The following ARAP2 variants were observed in gnomAD, a reference collection of about 807,000 sequenced individuals.
ARAP2 encodes the protein ArfGAP with RhoGAP domain, ankyrin repeat and PH domain 2.
In ARAP2, 148 loss-of-function variants were observed where a neutral mutation model predicts 194.5. The ratio of observed to expected loss-of-function variants is 0.76; its 90% CI spans 0.67 to 0.87. The LOEUF is 0.87. Ranked by LOEUF, ARAP2 falls within the 40% of genes least tolerant of loss-of-function variation. The pLI is 0.00. For synonymous variants in ARAP2, 695 were observed against 683.5 expected (o/e 1.02, Z -0.26); for missense variants, 2,128 against 1,989.7 (o/e 1.07, Z -1.32).
In ARAP2 at chr4:36,160,647, T is replaced by G; in HGVS notation, c.2260-6A>C. The G allele has an allele frequency of 7.4e-7, 1 of 1,352,520 alleles. No homozygotes were observed. The allele number at this position is 1,352,520 out of a possible 1,614,324, so 83.8% of individuals were successfully genotyped here. A position where few individuals can be genotyped will look rare whatever the true frequency, so the allele number is the denominator to read the frequency against. On this transcript the variant is annotated splice_region_variant and splice_polypyrimidine_tract_variant and intron_variant, in intron 12 of 32. Transcript: ENST00000303965. Reference sequence around the variant, plus strand: ...TTTCCAATGACAATAAAAAGCTGAATTGTCAAAAAAAAAACCCCATAATAT... The same window carrying G: ...TTTCCAATGACAATAAAAAGCTGAAGTGTCAAAAAAAAAACCCCATAATAT...
chr4:36,085,385 C>T (rs566654949), intron 28 of ARAP2, among the ~76,000 whole-genome samples: 6 of 151,932 alleles, frequency 3.9e-5, no homozygotes, highest in Non-Finnish European at 7.4e-5. Flanking sequence ...TTTATATATA[C>T]AGTATAAATG....
At chr4:36,216,399 T>A (rs1166987003) in intron 2 of ARAP2, among the ~76,000 whole-genome samples, 1 of 152,152 alleles carries the variant, frequency 6.6e-6, no homozygotes, top group Non-Finnish European at 1.5e-5. Context: ...GTGGAATAAT[T>A]AGAACATTTA....
rs145040435 is a variant in ARAP2, at chr4:36,161,386, C to T, written c.2259+79G>A. On this transcript the variant is annotated intron_variant, in intron 12 of 32. Transcript: ENST00000303965. Reference sequence around the variant, plus strand: ...AGCCCCGAGAAAAATTCCTGCCACCCAAACCCACAGCAAACCTCCTCCCAG... The same window carrying T: ...AGCCCCGAGAAAAATTCCTGCCACCTAAACCCACAGCAAACCTCCTCCCAG... 7.4e-4 allele frequency: 902 copies of T among 1,221,106 alleles called. 6 individuals carry two copies. The African/African-American group carries it at 0.012, about 16-fold the overall frequency. 75.6% of individuals were successfully genotyped at this position (1,221,106 alleles called of 1,614,324 possible).
intron 5 of ARAP2, among the ~76,000 whole-genome samples, chr4:36,027,958 T>C (rs533942649): frequency 6.6e-6 from 1 of 152,266 alleles, no homozygotes; most frequent in Non-Finnish European, 1.5e-5. Flanking sequence ...ATGGGACCAC[T>C]GGGAATGCAA....
At position 36,214,434 on chromosome 4, in the gene ARAP2, C is replaced by A. The variant is rs372052171; in HGVS notation, c.952G>T (p.Val318Leu). 2 of 1,594,572 alleles carry A rather than the reference C, an allele frequency of 1.3e-6. No individual in the cohort carries two copies. The highest frequency in any genetic ancestry group is 1.7e-5 in the Admixed American group (1 of 58,716). The change falls in exon 3 of 33, where the codon GTG becomes TTG. Residue 318 changes from valine (V) to leucine (L), a missense_variant. Coordinates refer to ENST00000303965, the MANE Select transcript of ARAP2 (RefSeq NM_015230.4). ...RNVATSTEKS[V>L]AWQNSNEENS... ...CACATAGACTCACTTTGCCATGCCACAGATTTTTCAGTTGAGGTAGCAACA... is the reference window on the plus strand; with the variant it reads ...CACATAGACTCACTTTGCCATGCCAAAGATTTTTCAGTTGAGGTAGCAACA...
chr4:36,048,868 A>G (rs551312848), intron 3 of ARAP2, among the ~76,000 whole-genome samples: 1 of 152,208 alleles, frequency 6.6e-6, no homozygotes, highest in Admixed American at 6.5e-5. Flanking sequence ...CTGCAGCCTC[A>G]TCAACATCTG....
intron 28 of ARAP2, among the ~76,000 whole-genome samples, chr4:36,090,511 T>C (rs1185142224): frequency 1.3e-5 from 2 of 151,974 alleles, no homozygotes; most frequent in Non-Finnish European, 2.9e-5. Context: ...CTCAACAAAA[T>C]AGTGGCAAAT....
intron 9 of ARAP2, among the ~76,000 whole-genome samples, chr4:36,176,198 T>C (rs981240897): frequency 6.6e-6 from 1 of 151,310 alleles, no homozygotes; most frequent in African/African-American, 2.4e-5. Flanking sequence ...CTGTAATTCC[T>C]AGACCTATTA....
intron 2 of ARAP2, among the ~76,000 whole-genome samples, chr4:36,057,288 T>C (rs1723682342): frequency 1.3e-5 from 2 of 151,862 alleles, no homozygotes; most frequent in African/African-American, 4.8e-5. Context: ...ATTCTCTGGA[T>C]GATTTTAAGA....
At chr4:36,091,853 A>G in intron 28 of ARAP2, 28 bp downstream of exon 28, 1 of 1,551,230 alleles carries the variant, frequency 6.4e-7, no homozygotes, top group Non-Finnish European at 8.8e-7. Flanking sequence ...CACACAAATA[A>G]AAATGTACGC....
intron 27 of ARAP2, among the ~76,000 whole-genome samples, chr4:36,102,509 G>C (rs1402570188): frequency 6.6e-6 from 1 of 151,962 alleles, no homozygotes; most frequent in Non-Finnish European, 1.5e-5. Context: ...GTGAGTAAGA[G>C]TAAAATATAG....
At chr4:36,147,489 CACT>C in intron 18 of ARAP2, 56 bp downstream of exon 18, 1 of 1,579,094 alleles carries the variant, frequency 6.3e-7, no homozygotes. Flanking sequence ...TAAAGGCTAT[CACT>C]ATTGTATGCA....
downstream of ARAP2, among the ~76,000 whole-genome samples, chr4:36,064,515 C>T (rs1725069324): frequency 6.6e-6 from 1 of 152,220 alleles, no homozygotes; most frequent in African/African-American, 2.4e-5. Flanking sequence ...CCAGTTTGGG[C>T]ACAGGGATAC....
chr4:36,056,578 T>G (rs1381965353), intron 2 of ARAP2, among the ~76,000 whole-genome samples: 2 of 152,206 alleles, frequency 1.3e-5, no homozygotes, highest in South Asian at 4.1e-4. Context: ...AACCAGAACA[T>G]GTATAGGTTT....
intron 15 of ARAP2, among the ~76,000 whole-genome samples, chr4:36,157,996 T>G (rs2109765005): frequency 6.6e-6 from 1 of 152,258 alleles, no homozygotes; most frequent in Non-Finnish European, 1.5e-5. Flanking sequence ...ATGTACAGCT[T>G]AATCTCTCTT....
intron 20 of ARAP2, among the ~76,000 whole-genome samples, chr4:36,130,233 T>C (rs1269582915): frequency 6.6e-6 from 1 of 151,960 alleles, no homozygotes. Flanking sequence ...AAAATTCAGG[T>C]CTGTATGTAT....
chr4:36,193,533 G>T, intron 7 of ARAP2, 45 bp downstream of exon 7: 7 of 1,295,628 alleles, frequency 5.4e-6, no homozygotes, highest in East Asian at 2.5e-5. Context: ...TTTACTCTTC[G>T]TATGCATAAA....
At chr4:36,116,959 G>A (rs1389396413) in intron 25 of ARAP2, 102 bp downstream of exon 25, 2 of 640,422 alleles carry the variant, frequency 3.1e-6, no homozygotes, top group East Asian at 7.0e-5. Context: ...TTGAACTGGA[G>A]AGGTAATATA....
chr4:36,092,509 T>C (rs11096798), intron 27 of ARAP2, among the ~76,000 whole-genome samples: 23,558 of 151,412 alleles, frequency 0.16, 4,111 homozygotes, highest in African/African-American at 0.43. Context: ...CTGGAGGAGG[T>C]TGAGGCAGGA....
Sources: allele counts gnomAD v4.1 joint callset (sites outside exome capture counted in the v4.1 genomes callset), GRCh38; gene constraint gnomAD v4.1.1; transcripts MANE v1.5; gene names NCBI Gene and HGNC (gene_info 2026-07-23, HGNC 2026-07-21).